The following FHOD3 variants were observed in gnomAD, a reference collection of about 807,000 sequenced individuals.
FHOD3 encodes FH1/FH2 domain-containing protein 3.
In FHOD3, 90 loss-of-function variants were observed where a neutral mutation model predicts 173.0. The observed-to-expected ratio is 0.52, with a 90% CI of 0.44 to 0.62. The LOEUF (loss-of-function observed/expected upper bound fraction) is 0.62. FHOD3 is among the 20% of genes least tolerant of loss of function. The pLI is 0.00. For synonymous variants in FHOD3, 828 were observed against 823.0 expected (o/e 1.01, Z -0.10); for missense variants, 1,945 against 2,034.7 (o/e 0.96, Z 0.85).
chr18:36,586,837 G>T (rs1477702886), intron 6 of FHOD3, among the ~76,000 whole-genome samples: 1 of 152,126 alleles, frequency 6.6e-6, no homozygotes, highest in Non-Finnish European at 1.5e-5. Context: ...GAGAAAGTTA[G>T]CCAAGTGGAT....
At position 36,297,907 on chromosome 18, in the gene FHOD3, G is replaced by A. The variant is rs2091836729; in HGVS notation, c.72G>A (p.Glu24=). 1 of 1,558,568 alleles carries A rather than the reference G, an allele frequency of 6.4e-7. No individual in the cohort carries two copies. Among genetic ancestry groups the A allele is most frequent in the Non-Finnish European group, 8.7e-7 (1 of 1,152,894 alleles). ...TDPFNSTNFP[E]PSRPPLFTFR... is the part of the protein sequence containing the mutation. Reference sequence around the variant, plus strand: ...CTTTCAACAGCACCAACTTCCCCGAGCCCAGCCGGCCGCCGCTGTTCACGT... The same window carrying A: ...CTTTCAACAGCACCAACTTCCCCGAACCCAGCCGGCCGCCGCTGTTCACGT... The change falls in exon 1 of 29, where the codon GAG becomes GAA. Residue 24 remains glutamate, a synonymous_variant. Coordinates refer to ENST00000590592, the MANE Select transcript of FHOD3 (RefSeq NM_001281740.3).
At chr18:36,448,650 G>T (rs183386095) in intron 3 of FHOD3, among the ~76,000 whole-genome samples, 2 of 152,270 alleles carry the variant, frequency 1.3e-5, no homozygotes, top group South Asian at 2.1e-4. Flanking sequence ...GGCCCAGAAT[G>T]GGGGACAGGA....
At chr18:36,622,878 C>A (rs1599918416) in intron 9 of FHOD3, among the ~76,000 whole-genome samples, 1 of 152,202 alleles carries the variant, frequency 6.6e-6, no homozygotes, top group East Asian at 1.9e-4. Flanking sequence ...TCACTGGACA[C>A]TGATGACTCT....
At chr18:36,636,097 G>A (rs1427647753) in intron 10 of FHOD3, among the ~76,000 whole-genome samples, 1 of 152,138 alleles carries the variant, frequency 6.6e-6, no homozygotes, top group Non-Finnish European at 1.5e-5. Flanking sequence ...TTCTTTCAGG[G>A]CCAAGTTTCC....
chr18:36,373,453 T>C (rs988722114), intron 3 of FHOD3, among the ~76,000 whole-genome samples: 11 of 151,810 alleles, frequency 7.2e-5, no homozygotes, highest in Non-Finnish European at 1.5e-4. Flanking sequence ...CCCGAAAACA[T>C]ATTCATGGGT....
chr18:36,495,259 A>G (rs1416058389), intron 3 of FHOD3, among the ~76,000 whole-genome samples: 1 of 151,908 alleles, frequency 6.6e-6, no homozygotes, highest in African/African-American at 2.4e-5. Flanking sequence ...CTTTTTTGAC[A>G]TTCACCAGGA....
intron 3 of FHOD3, among the ~76,000 whole-genome samples, chr18:36,494,077 G>A (rs2054609559): frequency 6.6e-6 from 1 of 151,870 alleles, no homozygotes; most frequent in African/African-American, 2.4e-5. Context: ...ATGTAAATTG[G>A]TTCTCATTTT....
chr18:36,611,980 C>T lies in FHOD3; in HGVS notation c.842C>T (p.Thr281Ile). Residue 281 changes from threonine (T) to isoleucine (I), a missense_variant, in exon 9 of 29, where the codon ACC (threonine) becomes ATC (isoleucine). Physicochemically the swap from Thr to Ile is moderately conservative, Grantham distance 89. Coordinates refer to ENST00000590592, the MANE Select transcript of FHOD3 (RefSeq NM_001281740.3). ...KTLSGLPDQD[T>I]FYDVVDCLEE... is the part of the protein sequence containing the mutation. ...TTATCAGGACTACCAGACCAAGACA[C>T]CTTCTACGACGTCGTGGACTGCCTG... The T allele has an allele frequency of 1.2e-6, 2 of 1,614,070 alleles. No homozygotes were observed. The highest frequency in any genetic ancestry group is 1.7e-5 in the Admixed American group (1 of 60,020).
chr18:36,713,589 T>C (rs751319922), intron 18 of FHOD3, among the ~76,000 whole-genome samples: 5 of 152,214 alleles, frequency 3.3e-5, no homozygotes, highest in East Asian at 1.9e-4. Flanking sequence ...TAGCGTTCTA[T>C]AGGATCAGTA....
At chr18:36,642,555 C>A (rs1363097553) in intron 10 of FHOD3, among the ~76,000 whole-genome samples, 1 of 139,118 alleles carries the variant, frequency 7.2e-6, no homozygotes, top group African/African-American at 2.7e-5. Context: ...TGCACTCCAG[C>A]CTGGGCAAAA....
intron 10 of FHOD3, among the ~76,000 whole-genome samples, chr18:36,639,364 C>A (rs1054458449): frequency 5.9e-5 from 9 of 152,158 alleles, no homozygotes; most frequent in African/African-American, 1.9e-4. Flanking sequence ...ACAGGTGAAA[C>A]CCCGTCTCTG....
chr18:36,469,680 G>T (rs2053161861), intron 3 of FHOD3, among the ~76,000 whole-genome samples: 2 of 152,160 alleles, frequency 1.3e-5, no homozygotes. Flanking sequence ...GCTCGGCAGG[G>T]GGTTGTGAGG....
At chr18:36,591,983 C>T (rs2059233452) in intron 6 of FHOD3, among the ~76,000 whole-genome samples, 1 of 152,160 alleles carries the variant, frequency 6.6e-6, no homozygotes, top group South Asian at 2.1e-4. Context: ...CTTTGAGAGG[C>T]CGAGGCAGGC....
At chr18:36,641,631 C>A (rs1424741511) in intron 10 of FHOD3, among the ~76,000 whole-genome samples, 1 of 152,136 alleles carries the variant, frequency 6.6e-6, no homozygotes. Flanking sequence ...TTAGCCACTG[C>A]ACCCCAGCAT....
intron 10 of FHOD3, among the ~76,000 whole-genome samples, chr18:36,644,272 T>C (rs1364373964): frequency 6.6e-6 from 1 of 152,188 alleles, no homozygotes; most frequent in Non-Finnish European, 1.5e-5. Context: ...ATAAACACAA[T>C]TAAGTTACGC....
At chr18:36,584,240 C>T (rs1358328920) in intron 6 of FHOD3, among the ~76,000 whole-genome samples, 1 of 152,172 alleles carries the variant, frequency 6.6e-6, no homozygotes, top group Non-Finnish European at 1.5e-5. Flanking sequence ...AACACTCTCC[C>T]TCCCTAGATT....
rs73949811 is a variant in FHOD3, at chr18:36,633,882, C to T, written c.1196+8133C>T. Among the ~76,000 whole-genome samples, 805 of 152,236 alleles carry T rather than the reference C, an allele frequency of 5.3e-3. 10 individuals carry two copies. Among genetic ancestry groups the T allele is most frequent in the African/African-American group, 0.018 (766 of 41,548 alleles). On this transcript the variant is annotated intron_variant, in intron 10 of 28. Transcript: ENST00000590592. ...TACTTACTGATTTGCTTGTTTTTCT[C>T]ATAAATGGGCACTGAAGACATTTTA...
At chr18:36,561,959 G>GTGTATTGTATTGTAT (rs36233913) in intron 5 of FHOD3, among the ~76,000 whole-genome samples, 2,627 of 127,132 alleles carry the variant, frequency 0.021, 58 homozygotes, top group East Asian at 0.046. Flanking sequence ...CTACTACACT[G>GTGTATTGTATTGTAT]TGTATTGTAT....
chr18:36,374,428 T>G (rs2047334928), intron 3 of FHOD3, among the ~76,000 whole-genome samples: 1 of 152,210 alleles, frequency 6.6e-6, no homozygotes, highest in South Asian at 2.1e-4. Context: ...GTTATCAGAA[T>G]TATGTAATTT....
Sources: allele counts gnomAD v4.1 joint callset (sites outside exome capture counted in the v4.1 genomes callset), GRCh38; gene constraint gnomAD v4.1.1; transcripts MANE v1.5; gene names NCBI Gene and HGNC (gene_info 2026-07-23, HGNC 2026-07-21).